Variants in ITPR3 observed in about 807,000 individuals in gnomAD.
ITPR3 encodes inositol 1,4,5-trisphosphate receptor type 3, also known as inositol 1,4,5-trisphosphate-gated calcium channel ITPR3.
In ITPR3, 173 loss-of-function variants were observed where a neutral mutation model predicts 293.2. That is an observed-to-expected ratio of 0.59 (90% CI 0.52 to 0.67). The LOEUF is 0.67. Ranked by LOEUF, ITPR3 falls within the 30% of genes least tolerant of loss-of-function variation. The probability of loss-of-function intolerance (pLI) is 0.00; values close to 1 mark genes in which losing one functional copy is unlikely to be tolerated. For missense variants in ITPR3, 2,796 were observed against 3,592.1 expected, an observed-to-expected ratio of 0.78 and a Z score of 5.66; for synonymous variants, 1,295 against 1,444.4, an observed-to-expected ratio of 0.90 and a Z score of 2.35.
In ITPR3 at chr6:33,685,355, C is replaced by G. The variant is rs751044259; in HGVS notation, c.5308-4C>G. On this transcript the variant is annotated splice_region_variant and splice_polypyrimidine_tract_variant and intron_variant, in intron 39 of 57. Transcript: ENST00000605930. ...GTTGTTCCCTGGCCACTGTCCACCT[C>G]CAGAAATCCTTCCACAACCTGATGA... 5.6e-6 allele frequency: 9 copies of G among 1,607,998 alleles called. No homozygotes were observed. The East Asian group carries it at 2.0e-4, about 36-fold the overall frequency.
At chr6:33,686,644 C>A in intron 43 of ITPR3, 125 bp downstream of exon 43, 1 of 757,024 alleles carries the variant, frequency 1.3e-6, no homozygotes, top group Non-Finnish European at 2.3e-6. Context: ...TGTGATGGGG[C>A]ATCATCTGGA....
rs147560081 is a variant in ITPR3, at chr6:33,660,433, T to C, written c.711+884T>C. 6.7e-3 allele frequency among the ~76,000 whole-genome samples: 1,013 copies of C among 152,182 alleles called. 8 individuals are homozygous for C. The highest frequency in any genetic ancestry group is 0.02 in the Middle Eastern group (6 of 294). On this transcript the variant is annotated intron_variant, in intron 7 of 57. Coordinates refer to ENST00000605930, the MANE Select transcript of ITPR3 (RefSeq NM_002224.4). ...TTAGACTCTCCTGCCCTGCTCAGGC[T>C]GCCTCAGTCCCCCACCCTCCTCATC...
Position 33,621,539 on chromosome 6 carries a change from G to A in ITPR3, c.-64G>A. The A allele has an allele frequency of 1.6e-6, 2 of 1,238,784 alleles. No individual in the cohort carries two copies. Among genetic ancestry groups the A allele is most frequent in the Admixed American group, 2.0e-5 (1 of 50,644 alleles). The allele number at this position is 1,238,784 out of a possible 1,614,324, so 76.7% of individuals were successfully genotyped here. ...CGCTCCCCGGACGCCTCAGTCCTCC[G>A]CACTGAGCTTGGCCACGCGCCCCTA... is the stretch of plus-strand genomic sequence containing the variant. On this transcript the variant is annotated 5_prime_UTR_variant, in exon 1 of 58. Transcript: ENST00000605930. This position sits in a 1 kb window ranked among gnomAD's most constrained non-coding sequence, Gnocchi z 7.7.
At chr6:33,657,022 G>C (rs571592399) in intron 3 of ITPR3, among the ~76,000 whole-genome samples, 46 of 152,228 alleles carry the variant, frequency 3.0e-4, no homozygotes, top group African/African-American at 1.1e-3. Context: ...GATCTGGCCT[G>C]GGGGGAGGGC....
chr6:33,646,240 C>G (rs1279232854), intron 2 of ITPR3, among the ~76,000 whole-genome samples: 2 of 152,126 alleles, frequency 1.3e-5, no homozygotes, highest in Non-Finnish European at 2.9e-5. Flanking sequence ...CCTCCTCACT[C>G]AACCTCCTTT....
chr6:33,668,056 A>G (rs1266069587), intron 16 of ITPR3, 92 bp downstream of exon 16: 1 of 1,423,582 alleles, frequency 7.0e-7, no homozygotes, highest in African/African-American at 1.4e-5. Context: ...CTATTCCTGC[A>G]CCTGTTGGTA....
Position 33,680,372 on chromosome 6 carries a change from A to G in ITPR3, c.4268A>G (p.Asp1423Gly). 6.7e-7 allele frequency: 1 copy of G among 1,498,498 alleles called. No homozygotes were observed. The highest frequency in any genetic ancestry group is 8.9e-7 in the Non-Finnish European group (1 of 1,123,476). 92.8% of individuals were successfully genotyped at this position (1,498,498 alleles called of 1,614,324 possible). A position where few individuals can be genotyped will look rare whatever the true frequency, so the allele number is the denominator to read the frequency against. The change falls in exon 32 of 58, where the codon GAC (aspartate) becomes GGC (glycine). Residue 1423 changes from aspartate (D) to glycine (G), a missense_variant. Transcript: ENST00000605930. The part of the protein sequence containing the change: ...YVNFVNHCYV[D>G]TEVEMKEIYT... ...AACTTCGTGAACCACTGCTACGTGG[A>G]CACGGAGGTGGAGATGAAGGAGATC...
chr6:33,652,085 C>T lies in ITPR3; in HGVS notation c.161-3681C>T, dbSNP rs553638105. 5.9e-5 allele frequency among the ~76,000 whole-genome samples: 9 copies of T among 152,288 alleles called. No homozygotes were observed. In the South Asian group the frequency reaches 1.7e-3, roughly 28 times the overall value. On this transcript the variant is annotated intron_variant, in intron 2 of 57. Coordinates refer to ENST00000605930, the MANE Select transcript of ITPR3 (RefSeq NM_002224.4). The stretch of plus-strand genomic sequence containing the variant: ...AGGGCCCTGCACCTCTCAGCCCTTC[C>T]GGTCTCAGCTCAGCACCTCCCTTGC...
chr6:33,694,243 G>C (rs1183143782), intron 56 of ITPR3: 1 of 156,882 alleles, frequency 6.4e-6, no homozygotes, highest in Non-Finnish European at 1.4e-5. Flanking sequence ...AATGTCATCT[G>C]TCCAATTTCT....
intron 41 of ITPR3, 52 bp downstream of exon 41, chr6:33,685,879 C>G: frequency 6.5e-7 from 1 of 1,539,764 alleles, no homozygotes; most frequent in Non-Finnish European, 8.8e-7. Context: ...AGCCGGCATG[C>G]AGACTAGGCA....
At chr6:33,637,626 AC>A (rs1450771677) in intron 1 of ITPR3, among the ~76,000 whole-genome samples, 2 of 138,166 alleles carry the variant, frequency 1.4e-5, no homozygotes, top group Non-Finnish European at 3.1e-5. Context: ...GTGCCACTAC[AC>A]CCAGCGATTT....
rs932030400 is a variant in ITPR3 at position 33,674,129 on chromosome 6, T to C, written c.3059-79T>C. On this transcript the variant is annotated intron_variant, in intron 23 of 57. Transcript: ENST00000605930. Reference sequence around the variant, plus strand: ...TGTGCAGCCAGTGCAGGGAAGAGGGTGGTTTGAGTGTCTCCCTGTGCTCCC... The same window carrying C: ...TGTGCAGCCAGTGCAGGGAAGAGGGCGGTTTGAGTGTCTCCCTGTGCTCCC... 3 of 1,511,212 alleles carry C rather than the reference T, an allele frequency of 2.0e-6. No homozygotes were observed. In the Admixed American group the frequency reaches 5.4e-5, roughly 27 times the overall value. The allele number at this position is 1,511,212 out of a possible 1,614,324, so 93.6% of individuals were successfully genotyped here.
At chr6:33,694,683 G>A (rs559526512) in intron 56 of ITPR3, 8 of 535,370 alleles carry the variant, frequency 1.5e-5, no homozygotes, top group East Asian at 1.3e-4. Context: ...AAACTCAGCT[G>A]CCGACGCTGC....
rs778957730 is a variant in ITPR3, at chr6:33,678,627, C to T, written c.3772-12C>T. ...GCCCAGATCTCTTTCTGACAGATGCCCCCCACTGCAGCTCCTGGAGGCAGA... is the reference window on the plus strand; with the variant it reads ...GCCCAGATCTCTTTCTGACAGATGCTCCCCACTGCAGCTCCTGGAGGCAGA... On this transcript the variant is annotated splice_polypyrimidine_tract_variant and intron_variant, in intron 29 of 57. Coordinates refer to ENST00000605930, the MANE Select transcript of ITPR3 (RefSeq NM_002224.4). 4 of 1,608,980 alleles carry T rather than the reference C, an allele frequency of 2.5e-6. No individual in the cohort carries two copies. Among genetic ancestry groups the T allele is most frequent in the Non-Finnish European group, 2.5e-6 (3 of 1,178,184 alleles).
chr6:33,657,313 A>G (rs1221827333), intron 3 of ITPR3, among the ~76,000 whole-genome samples: 2 of 152,246 alleles, frequency 1.3e-5, no homozygotes, highest in African/African-American at 2.4e-5. Flanking sequence ...AGAGGACAGA[A>G]GAGCCTAAAA....
rs748435519 is a variant in ITPR3, at chr6:33,678,628, C to T, written c.3772-11C>T. 4.3e-6 allele frequency: 7 copies of T among 1,609,348 alleles called. No homozygotes were observed. Among genetic ancestry groups the T allele is most frequent in the Non-Finnish European group, 5.1e-6 (6 of 1,178,410 alleles). On this transcript the variant is annotated splice_polypyrimidine_tract_variant and intron_variant, in intron 29 of 57. Coordinates refer to ENST00000605930, the MANE Select transcript of ITPR3 (RefSeq NM_002224.4). ...CCCAGATCTCTTTCTGACAGATGCC[C>T]CCCACTGCAGCTCCTGGAGGCAGAG...
intron 7 of ITPR3, among the ~76,000 whole-genome samples, chr6:33,661,265 C>T (rs1183893078): frequency 6.6e-6 from 1 of 152,174 alleles, no homozygotes; most frequent in African/African-American, 2.4e-5. Flanking sequence ...GGAGGGAAGA[C>T]AGAAAGTGCC....
At chr6:33,695,585 C>A in intron 57 of ITPR3, 127 bp from the exon 58 acceptor site, 1 of 888,898 alleles carries the variant, frequency 1.1e-6, no homozygotes, top group Non-Finnish European at 1.8e-6. Context: ...GGGGCCCTGG[C>A]CCGCCGCCAG....
In ITPR3 at chr6:33,677,158, G is replaced by A. The variant is rs550529378; in HGVS notation, c.3522+69G>A. On this transcript the variant is annotated intron_variant, in intron 27 of 57. Coordinates refer to ENST00000605930, the MANE Select transcript of ITPR3 (RefSeq NM_002224.4). ...TGGTCCTGGGGGCTCCCGCTGGCCC[G>A]GCCCCCTGTGCCTCTCCCTGTGCTG... 2.8e-4 allele frequency: 384 copies of A among 1,387,390 alleles called. 4 individuals are homozygous for A. Among genetic ancestry groups the A allele is most frequent in the South Asian group, 1.7e-3 (144 of 85,052 alleles). The allele number at this position is 1,387,390 out of a possible 1,614,324, so 85.9% of individuals were successfully genotyped here.
Sources: gnomAD v4.1 joint callset for allele counts (sites outside exome capture counted in the v4.1 genomes callset) on GRCh38, gnomAD v4.1.1 for gene constraint, Gnocchi (gnomAD v3.1) non-coding constraint, MANE v1.5 for transcripts, NCBI Gene and HGNC (gene_info 2026-07-23, HGNC 2026-07-21) for gene names.